Variants in BRD4 observed in about 807,000 individuals in gnomAD.
BRD4 encodes bromodomain containing 4.
Under a neutral mutation model 142.1 loss-of-function variants are expected in BRD4, and 16 were observed. The ratio of observed to expected loss-of-function variants is 0.11; its 90% CI spans 0.08 to 0.17. The LOEUF (loss-of-function observed/expected upper bound fraction) is 0.17, where lower values mean the gene tolerates loss of function less well. Ranked by LOEUF, BRD4 falls within the 10% of genes least tolerant of loss-of-function variation. The pLI is 1.00. For missense variants in BRD4, 1,424 were observed against 1,810.9 expected (o/e 0.79, Z 3.88); for synonymous variants, 833 against 707.5 (o/e 1.18, Z -2.82).
rs530810477 is a variant in BRD4 at position 15,243,121 on chromosome 19, T to C, written c.2948A>G (p.Gln983Arg). 2 of 284,362 alleles carry C rather than the reference T, an allele frequency of 7.0e-6. No homozygotes were observed. The highest frequency in any genetic ancestry group is 1.1e-5 in the Non-Finnish European group (2 of 189,342). 17.6% of individuals were successfully genotyped at this position (284,362 alleles called of 1,614,324 possible). ...CTGATGCTGCTGCTGGGGTGGAGGC[T>C]GGGGCTGGGGTGGTGGGGGTGGTGG... Reference protein sequence around the residue: ...QPPPPPPPQPQPPPQQQHQPP... With the variant: ...QPPPPPPPQPRPPPQQQHQPP... Residue 983 changes from glutamine to arginine, a missense_variant, in exon 14 of 20, where the codon CAG (glutamine) becomes CGG (arginine). Transcript: ENST00000679869.
chr19:15,298,549 G>A (rs1389272138), intron 1 of BRD4, among the ~76,000 whole-genome samples: 3 of 143,784 alleles, frequency 2.1e-5, no homozygotes, highest in African/African-American at 2.6e-5. Context: ...TGAACCCGGG[G>A]GGCAGCGGTT....
At chr19:15,270,974 T>C (rs190278458) in intron 2 of BRD4, among the ~76,000 whole-genome samples, 77 of 152,258 alleles carry the variant, frequency 5.1e-4, no homozygotes, top group Non-Finnish European at 9.4e-4. Flanking sequence ...TCAACAGTCA[T>C]AGGGACAGGT....
intron 14 of BRD4, among the ~76,000 whole-genome samples, chr19:15,240,506 A>T (rs553932014): frequency 6.6e-6 from 1 of 152,098 alleles, no homozygotes; most frequent in Non-Finnish European, 1.5e-5. Flanking sequence ...GGGGGTGGGG[A>T]TGCTCAGGAC....
At chr19:15,331,686 G>C (rs954657664) in intron 1 of BRD4, 2 of 152,136 alleles carry the variant, frequency 1.3e-5, no homozygotes, top group African/African-American at 4.8e-5. Context: ...GGGGGTGGGG[G>C]CGCGCTGCCC....
chr19:15,289,744 T>G (rs2047767618), intron 1 of BRD4, among the ~76,000 whole-genome samples: 2 of 150,572 alleles, frequency 1.3e-5, no homozygotes, highest in Non-Finnish European at 2.9e-5. Flanking sequence ...ACCAGGAGAA[T>G]GGAAGCTAGG....
chr19:15,302,780 C>T (rs778994946), intron 1 of BRD4, among the ~76,000 whole-genome samples: 2 of 149,678 alleles, frequency 1.3e-5, no homozygotes, highest in Non-Finnish European at 3.0e-5. Flanking sequence ...CCGAGGCGGG[C>T]GCATCACGAG....
intron 1 of BRD4, among the ~76,000 whole-genome samples, chr19:15,306,744 T>G (rs1256384586): frequency 6.6e-6 from 1 of 152,132 alleles, no homozygotes; most frequent in Non-Finnish European, 1.5e-5. Context: ...GCTGGAGCAG[T>G]CAGAACACAA....
chr19:15,332,256 G>A (rs1012053400), intron 1 of BRD4, 34 bp downstream of exon 1: 3 of 147,330 alleles, frequency 2.0e-5, no homozygotes, highest in Non-Finnish European at 4.5e-5. Context: ...GCCGCCCAGT[G>A]TCGTCCGCCG....
At chr19:15,305,677 T>C (rs1344745873) in intron 1 of BRD4, among the ~76,000 whole-genome samples, 2 of 152,220 alleles carry the variant, frequency 1.3e-5, no homozygotes, top group African/African-American at 2.4e-5. Flanking sequence ...ATATTCAGAA[T>C]GGCTAATGAG....
intron 1 of BRD4, among the ~76,000 whole-genome samples, chr19:15,313,254 T>A (rs2047988239): frequency 6.7e-6 from 1 of 148,888 alleles, no homozygotes; most frequent in South Asian, 2.1e-4. Context: ...ACAGCTAGAG[T>A]CCCAGCTACT....
intron 1 of BRD4, among the ~76,000 whole-genome samples, chr19:15,307,509 T>C (rs2047924520): frequency 6.6e-6 from 1 of 152,212 alleles, no homozygotes; most frequent in Non-Finnish European, 1.5e-5. Context: ...GTATATTCCA[T>C]TTTCAGCAAG....
intron 2 of BRD4, 66 bp downstream of exon 2, chr19:15,272,749 T>C: frequency 6.7e-7 from 1 of 1,497,006 alleles, no homozygotes; most frequent in Non-Finnish European, 9.1e-7. Flanking sequence ...GGAACTGCCC[T>C]GACCAGGAGA....
At chr19:15,331,498 A>G (rs560708928) in intron 1 of BRD4, among the ~76,000 whole-genome samples, 1 of 152,238 alleles carries the variant, frequency 6.6e-6, no homozygotes, top group Non-Finnish European at 1.5e-5. Context: ...CAAAGCGCCC[A>G]GCAAGGGGCT....
chr19:15,288,412 T>A (rs554544801), intron 1 of BRD4, among the ~76,000 whole-genome samples: 5 of 151,940 alleles, frequency 3.3e-5, no homozygotes, highest in Admixed American at 1.3e-4. Flanking sequence ...AAATAATAAA[T>A]AAAAATAAAT....
chr19:15,239,643 C>CA lies in BRD4; in HGVS notation c.3445+15dup, dbSNP rs2047222239. On this transcript the variant is annotated intron_variant, in intron 16 of 19. Coordinates refer to ENST00000679869, the MANE Select transcript of BRD4 (RefSeq NM_001379291.1). This position sits in a 1 kb window ranked among gnomAD's most constrained non-coding sequence, Gnocchi z 7.4. ...GGGGGGCCTGAGCCCTGGCTGTGGG[C>CA]AGGGAGAGCACTCACGCTGGGGCAG... 1 of 1,566,822 alleles carries CA rather than the reference C, an allele frequency of 6.4e-7. No homozygotes were observed. Among genetic ancestry groups the CA allele is most frequent in the African/African-American group, 1.4e-5 (1 of 73,220 alleles).
At chr19:15,253,835 C>G in intron 11 of BRD4, 18 of 1,472,562 alleles carry the variant, frequency 1.2e-5, no homozygotes, top group Non-Finnish European at 1.6e-5. Context: ...CCCACGCCCA[C>G]AGTCCTCATG....
chr19:15,264,301 T>G (rs1211169524), intron 6 of BRD4, 103 bp downstream of exon 6: 1 of 1,461,604 alleles, frequency 6.8e-7, no homozygotes, highest in Non-Finnish European at 9.1e-7. Flanking sequence ...CAGCCACCGT[T>G]CCAGGGCCTG....
chr19:15,244,343 G>T lies in BRD4; in HGVS notation c.2469C>A (p.Phe823Leu). The T allele has an allele frequency of 6.2e-7, 1 of 1,602,322 alleles. No individual in the cohort carries two copies. Among genetic ancestry groups the T allele is most frequent in the Admixed American group, 1.7e-5 (1 of 58,274 alleles). Residue 823 changes from phenylalanine (F) to leucine (L), a missense_variant, in exon 13 of 20, where the codon TTC becomes TTA. Coordinates refer to ENST00000679869, the MANE Select transcript of BRD4 (RefSeq NM_001379291.1). ...GCGGCAGGTGCAGGATGGGCTGGGT[G>T]AAGTGGCCGATGGGGTCAAAGACGC... Reference protein sequence around the residue: ...PGSVFDPIGHFTQPILHLPQP... With the variant: ...PGSVFDPIGHLTQPILHLPQP...
rs57642262 is a variant in BRD4, at chr19:15,308,115, C to CAAAAAAAAAAAAAAAAAA, written c.-35+24157_-35+24174dup. ...CAAAAGAGTGAGTGAGACTCCGTCT[C>CAAAAAAAAAAAAAAAAAA]AAAAAAAAAAAAAAAAAAAAAGTTG... is the stretch of plus-strand genomic sequence containing the variant. On this transcript the variant is annotated intron_variant, in intron 1 of 19. Coordinates refer to ENST00000679869, the MANE Select transcript of BRD4 (RefSeq NM_001379291.1). Among the ~76,000 whole-genome samples, 16 of 21,184 alleles carry CAAAAAAAAAAAAAAAAAA rather than the reference C, an allele frequency of 7.6e-4. 1 individual carries two copies. The highest frequency in any genetic ancestry group is 4.2e-3 in the African/African-American group (15 of 3,588). The allele number at this position is 21,184 out of a possible 152,430, so 13.9% of individuals were successfully genotyped here. A position where few individuals can be genotyped will look rare whatever the true frequency, so the allele number is the denominator to read the frequency against.
Sources: allele counts gnomAD v4.1 joint callset (sites outside exome capture counted in the v4.1 genomes callset), GRCh38; gene constraint gnomAD v4.1.1; non-coding constraint Gnocchi (gnomAD v3.1); transcripts MANE v1.5; gene names NCBI Gene and HGNC (gene_info 2026-07-23, HGNC 2026-07-21).